Variants in LIPG observed in about 807,000 individuals in gnomAD.
The protein encoded by LIPG is endothelial lipase.
LIPG carries 34 observed loss-of-function variants against 51.8 expected under a neutral mutation model. The ratio of observed to expected loss-of-function variants is 0.66; its 90% CI spans 0.50 to 0.87. LIPG has a LOEUF of 0.87. Ranked by LOEUF, LIPG falls within the 40% of genes least tolerant of loss-of-function variation. The pLI, the probability that LIPG is intolerant of heterozygous loss-of-function variation, is 0.00. For missense variants in LIPG, 580 were observed against 652.7 expected, an observed-to-expected ratio of 0.89 and a Z score of 1.21; for synonymous variants, 246 against 246.1, an observed-to-expected ratio of 1.00 and a Z score of 0.00.
At chr18:49,584,765 G>T (rs2084864331) in intron 8 of LIPG, among the ~76,000 whole-genome samples, 2 of 152,160 alleles carry the variant, frequency 1.3e-5, no homozygotes, top group African/African-American at 4.8e-5. Flanking sequence ...TTACTTCTCT[G>T]GGCCCTTGCA....
In LIPG at chr18:49,590,492, T is replaced by A. The variant is rs2084930523; in HGVS notation, c.1482-9T>A. 2 of 1,601,722 alleles carry A rather than the reference T, an allele frequency of 1.2e-6. No homozygotes were observed. The highest frequency in any genetic ancestry group is 1.7e-6 in the Non-Finnish European group (2 of 1,172,872). On this transcript the variant is annotated splice_polypyrimidine_tract_variant and intron_variant, in intron 9 of 9. Coordinates refer to ENST00000261292, the MANE Select transcript of LIPG (RefSeq NM_006033.4). ...CTAACAAATGCCACTCTCACACGGT[T>A]TCTTTCAGTCCCACTGTGGAGCTTC...
chr18:49,578,172 CCT>C (rs1320246985), intron 5 of LIPG, among the ~76,000 whole-genome samples: 1 of 147,840 alleles, frequency 6.8e-6, no homozygotes, highest in Non-Finnish European at 1.5e-5. Context: ...CGGAGACGCT[CCT>C]CACCTCCCAG....
chr18:49,584,717 C>A (rs2084864107), intron 8 of LIPG, among the ~76,000 whole-genome samples: 1 of 152,210 alleles, frequency 6.6e-6, no homozygotes, highest in African/African-American at 2.4e-5. Context: ...AACCTGTGAA[C>A]TGGGGGTGCT....
intron 4 of LIPG, among the ~76,000 whole-genome samples, chr18:49,572,962 G>A (rs1262318338): frequency 6.6e-6 from 1 of 152,132 alleles, no homozygotes; most frequent in Non-Finnish European, 1.5e-5. Context: ...AGTTAAAAAA[G>A]TTAAATGTGC....
Sources: allele counts gnomAD v4.1 joint callset (sites outside exome capture counted in the v4.1 genomes callset), GRCh38; gene constraint gnomAD v4.1.1; transcripts MANE v1.5; gene names NCBI Gene and HGNC (gene_info 2026-07-23, HGNC 2026-07-21).